The following LIPC variants were observed in gnomAD, a reference collection of about 807,000 sequenced individuals.
The protein encoded by LIPC is hepatic triacylglycerol lipase.
LIPC carries 44 observed loss-of-function variants against 50.7 expected under a neutral mutation model. That is an observed-to-expected ratio of 0.87 (90% confidence interval 0.68 to 1.11). LIPC has a LOEUF of 1.11. Ranked by LOEUF, LIPC falls within the 50% of genes most tolerant of loss-of-function variation. The pLI, the probability that LIPC is intolerant of heterozygous loss-of-function variation, is 0.00. For missense variants in LIPC, 697 were observed against 648.2 expected (o/e 1.08, Z -0.82); for synonymous variants, 271 against 256.4 (o/e 1.06, Z -0.54).
At chr15:58,448,340 G>A (rs1218345673) in intron 1 of LIPC, among the ~76,000 whole-genome samples, 6 of 152,146 alleles carry the variant, frequency 3.9e-5, no homozygotes, top group Non-Finnish European at 8.8e-5. Context: ...TCCCCATCAG[G>A]GTCCCCCAGC....
chr15:58,482,783 T>G (rs1329849088), intron 1 of LIPC, among the ~76,000 whole-genome samples: 1 of 152,204 alleles, frequency 6.6e-6, no homozygotes, highest in Non-Finnish European at 1.5e-5. Flanking sequence ...AAGGAGCTCA[T>G]GATCAAGACC....
chr15:58,539,832 T>C (rs1398426750), intron 2 of LIPC, among the ~76,000 whole-genome samples: 1 of 152,086 alleles, frequency 6.6e-6, no homozygotes, highest in Non-Finnish European at 1.5e-5. Context: ...GAGTGTTCTT[T>C]CTCCTCCTCT....
intron 1 of LIPC, chr15:58,522,875 G>T (rs1340922385): frequency 6.6e-6 from 1 of 152,302 alleles, no homozygotes; most frequent in Admixed American, 6.5e-5. Flanking sequence ...GCACATCTTA[G>T]CTGCCAGTGT....
intron 1 of LIPC, among the ~76,000 whole-genome samples, chr15:58,439,526 C>A (rs1893431912): frequency 6.6e-6 from 1 of 152,202 alleles, no homozygotes; most frequent in Non-Finnish European, 1.5e-5. Flanking sequence ...TCGCAGCAAC[C>A]TCTGCCTCCC....
Position 58,434,129 on chromosome 15 carries a change from A to C in LIPC, c.88+2009A>C, listed in dbSNP as rs1893212203. Among the ~76,000 whole-genome samples the C allele has an allele frequency of 2.0e-5, 3 of 152,278 alleles. No individual in the cohort carries two copies. The South Asian group carries it at 6.2e-4, about 32-fold the overall frequency. The stretch of plus-strand genomic sequence containing the variant: ...GCTTCCCTTCCAGCATCTAGTGGGT[A>C]GAGGCCAGGGAAGCTGCTTCACATC... On this transcript the variant is annotated intron_variant, in intron 1 of 8. Coordinates refer to ENST00000299022, the MANE Select transcript of LIPC (RefSeq NM_000236.3).
At chr15:58,465,150 C>A (rs1448960229) in intron 1 of LIPC, among the ~76,000 whole-genome samples, 1 of 152,128 alleles carries the variant, frequency 6.6e-6, no homozygotes, top group African/African-American at 2.4e-5. Context: ...CCTCAGGAAC[C>A]AGGGGAAAAA....
chr15:58,441,599 G>A (rs555620288), intron 1 of LIPC, among the ~76,000 whole-genome samples: 1 of 152,338 alleles, frequency 6.6e-6, no homozygotes, highest in African/African-American at 2.4e-5. Flanking sequence ...ACTGCAGCAA[G>A]GGAGAGCTCA....
intron 4 of LIPC, among the ~76,000 whole-genome samples, chr15:58,544,395 C>CTTTTTTTT (rs66982295): frequency 1.9e-4 from 24 of 128,954 alleles, no homozygotes; most frequent in East Asian, 4.5e-4. Flanking sequence ...TTTTCTCTTT[C>CTTTTTTTT]TTTTTTTTTT....
intron 8 of LIPC, 101 bp from the exon 9 acceptor site, chr15:58,568,615 C>A: frequency 1.3e-6 from 1 of 743,742 alleles, no homozygotes; most frequent in South Asian, 1.5e-5. Flanking sequence ...AAAGACATCA[C>A]ATGCCTTACA....
chr15:58,473,597 C>A (rs528271770), intron 1 of LIPC: 2 of 152,364 alleles, frequency 1.3e-5, no homozygotes, highest in East Asian at 3.9e-4. Flanking sequence ...TTTCTGGCAT[C>A]GGCTGGTTCA....
intron 1 of LIPC, among the ~76,000 whole-genome samples, chr15:58,441,923 C>T (rs1478998685): frequency 6.6e-6 from 1 of 152,078 alleles, no homozygotes; most frequent in African/African-American, 2.4e-5. Context: ...TGTGGAGGGT[C>T]TGTGCTGCAC....
At chr15:58,449,267 A>C (rs1893816632) in intron 1 of LIPC, among the ~76,000 whole-genome samples, 1 of 152,172 alleles carries the variant, frequency 6.6e-6, no homozygotes, top group Non-Finnish European at 1.5e-5. Context: ...GCCATCGATT[A>C]GGACTAAACT....
intron 6 of LIPC, among the ~76,000 whole-genome samples, chr15:58,549,893 G>A (rs540724486): frequency 4.6e-5 from 7 of 152,332 alleles, no homozygotes; most frequent in South Asian, 2.1e-4. Context: ...GAGCTCCTCC[G>A]CTGCAGGCTG....
chr15:58,493,996 C>T (rs190303412), intron 1 of LIPC, among the ~76,000 whole-genome samples: 1 of 152,212 alleles, frequency 6.6e-6, no homozygotes, highest in African/African-American at 2.4e-5. Flanking sequence ...AGGAGGTCAC[C>T]TTGCCTCCTA....
intron 1 of LIPC, among the ~76,000 whole-genome samples, chr15:58,524,788 G>C (rs547941492): frequency 1.3e-5 from 2 of 152,224 alleles, no homozygotes; most frequent in East Asian, 3.9e-4. Context: ...TTGATTTCTA[G>C]GCATTCTATA....
intron 1 of LIPC, chr15:58,521,617 C>G (rs1892655867): frequency 6.6e-6 from 1 of 152,038 alleles, no homozygotes; most frequent in Non-Finnish European, 1.5e-5. Flanking sequence ...CGGATCCTCC[C>G]AGGAAGCAGT....
chr15:58,477,047 G>A (rs1891022995), intron 1 of LIPC, among the ~76,000 whole-genome samples: 2 of 152,152 alleles, frequency 1.3e-5, no homozygotes, highest in Admixed American at 1.3e-4. Flanking sequence ...TTGCTAAGCC[G>A]GGTGGGATCT....
chr15:58,553,090 G>A (rs1893819643), intron 6 of LIPC, among the ~76,000 whole-genome samples: 1 of 152,120 alleles, frequency 6.6e-6, no homozygotes, highest in Non-Finnish European at 1.5e-5. Flanking sequence ...TGAGGAAATC[G>A]AGCCCCAGAA....
chr15:58,565,592 AG>A (rs1390594870), intron 8 of LIPC: 2 of 1,113,500 alleles, frequency 1.8e-6, no homozygotes, highest in Non-Finnish European at 2.2e-6. Flanking sequence ...GGCTCACAGA[AG>A]TTACACAGCT....
Sources: allele counts gnomAD v4.1 joint callset (sites outside exome capture counted in the v4.1 genomes callset), GRCh38; gene constraint gnomAD v4.1.1; transcripts MANE v1.5; gene names NCBI Gene and HGNC (gene_info 2026-07-23, HGNC 2026-07-21).